MAPK8IP3: variants seen among roughly 807,000 people sequenced by gnomAD.
The protein encoded by MAPK8IP3 is C-Jun-amino-terminal kinase-interacting protein 3.
In MAPK8IP3, 49 loss-of-function variants were observed where a neutral mutation model predicts 157.8. The observed-to-expected ratio is 0.31, with a 90% confidence interval of 0.25 to 0.39. The LOEUF (loss-of-function observed/expected upper bound fraction) is 0.39, where lower values mean the gene tolerates loss of function less well. MAPK8IP3 is among the 10% of genes least tolerant of loss of function. The pLI, the probability that MAPK8IP3 is intolerant of heterozygous loss-of-function variation, is 1.00. For synonymous variants in MAPK8IP3, 897 were observed against 777.7 expected, an observed-to-expected ratio of 1.15 and a Z score of -2.55; for missense variants, 1,478 against 1,889.4, an observed-to-expected ratio of 0.78 and a Z score of 4.04.
At chr16:1,735,349 C>T (rs960095580) in intron 4 of MAPK8IP3, among the ~76,000 whole-genome samples, 8 of 150,620 alleles carry the variant, frequency 5.3e-5, no homozygotes, top group Non-Finnish European at 7.4e-5. Flanking sequence ...TCCATGTGAG[C>T]GTGTGAGCGT....
At chr16:1,713,696 G>T (rs1242123812) in intron 1 of MAPK8IP3, 1 of 152,222 alleles carries the variant, frequency 6.6e-6, no homozygotes, top group African/African-American at 2.4e-5. Flanking sequence ...AGGCCAAGAA[G>T]AGCCTGGTGG....
chr16:1,748,710 C>T lies in MAPK8IP3; in HGVS notation c.1206C>T (p.Ala402=), dbSNP rs1376778484. ...TCATCGGGGATGTGGACGAAGGGGC[C>T]GACCTCCTAGGTAAGCGCAAGCCTT... ...SEVIGDVDEG[A]DLLGEFSVRD... is the part of the protein sequence containing the mutation. The change falls in exon 8 of 32, where the codon GCC becomes GCT. Residue 402 remains alanine (A), a synonymous_variant. Coordinates refer to ENST00000610761, the MANE Select transcript of MAPK8IP3 (RefSeq NM_001318852.2). 16 of 1,613,684 alleles carry T rather than the reference C, an allele frequency of 9.9e-6. No homozygotes were observed. In the Admixed American group the frequency reaches 1.0e-4, roughly 10 times the overall value.
rs138078140 is a variant in MAPK8IP3 at position 1,743,302 on chromosome 16, C to T, written c.603-30C>T. The T allele has an allele frequency of 4.9e-4, 751 of 1,527,262 alleles. 1 individual carries two copies. Among genetic ancestry groups the T allele is most frequent in the East Asian group, 8.7e-4 (34 of 39,012 alleles). 94.6% of individuals were successfully genotyped at this position (1,527,262 alleles called of 1,614,324 possible). The stretch of plus-strand genomic sequence containing the variant: ...ATCTTCACGGCCACCCTCTAACCAT[C>T]GCTTCCTCTCCTCTCGCCCCCCATT... On this transcript the variant is annotated intron_variant, in intron 4 of 31. Transcript: ENST00000610761. This position sits in a 1 kb window ranked among gnomAD's most constrained non-coding sequence, Gnocchi z 5.6.
Position 1,762,479 on chromosome 16 carries a change from C to A in MAPK8IP3, c.1668C>A (p.Ile556=). Residue 556 remains isoleucine (I), a splice_region_variant and synonymous_variant, in exon 14 of 32, where the codon ATC becomes ATA. Transcript: ENST00000610761. Reference sequence around the variant, plus strand: ...AGGCTGTGCGGTGGACTGAGATGATCAGGTGGGAGTTGCGGCCACCCCAGG... The same window carrying A: ...AGGCTGTGCGGTGGACTGAGATGATAAGGTGGGAGTTGCGGCCACCCCAGG... The part of the protein sequence containing the change: ...LQEAVRWTEM[I]RASREHPSVQ... The A allele has an allele frequency of 1.2e-6, 2 of 1,611,626 alleles. No individual in the cohort carries two copies. The highest frequency in any genetic ancestry group is 2.2e-5 in the East Asian group (1 of 44,798).
chr16:1,727,807 C>T (rs1454030647), intron 2 of MAPK8IP3, among the ~76,000 whole-genome samples: 5 of 152,182 alleles, frequency 3.3e-5, no homozygotes, highest in South Asian at 2.1e-4. Context: ...TAGGCCGCCG[C>T]GGCCTCCAAG....
Position 1,743,243 on chromosome 16 carries a change from C to G in MAPK8IP3, c.603-89C>G. ...TGGCTGGCATGGAGCGGCCCCATCA[C>G]TCGAGGTCTGCTTGCCCTGGGAGGG... is the stretch of plus-strand genomic sequence containing the variant. On this transcript the variant is annotated intron_variant, in intron 4 of 31. Coordinates refer to ENST00000610761, the MANE Select transcript of MAPK8IP3 (RefSeq NM_001318852.2). This position sits in a 1 kb window ranked among gnomAD's most constrained non-coding sequence, Gnocchi z 5.6. 1 of 1,449,898 alleles carries G rather than the reference C, an allele frequency of 6.9e-7. No homozygotes were observed. Among genetic ancestry groups the G allele is most frequent in the Non-Finnish European group, 9.0e-7 (1 of 1,108,992 alleles). The allele number at this position is 1,449,898 out of a possible 1,614,324, so 89.8% of individuals were successfully genotyped here.
At chr16:1,720,345 T>C (rs981716969) in intron 1 of MAPK8IP3, among the ~76,000 whole-genome samples, 1 of 152,176 alleles carries the variant, frequency 6.6e-6, no homozygotes, top group South Asian at 2.1e-4. Flanking sequence ...CAGCTTTTTA[T>C]AGTAGCAAAC....
At chr16:1,738,616 G>T (rs2040286956) in intron 4 of MAPK8IP3, among the ~76,000 whole-genome samples, 1 of 139,468 alleles carries the variant, frequency 7.2e-6, no homozygotes, top group Non-Finnish European at 1.5e-5. Context: ...GACCGTCCGT[G>T]TGAGCATCGG....
intron 4 of MAPK8IP3, among the ~76,000 whole-genome samples, chr16:1,732,418 C>T (rs535525843): frequency 1.2e-4 from 18 of 152,362 alleles, no homozygotes; most frequent in African/African-American, 4.3e-4. Context: ...TCATGGGTCA[C>T]GTTCTGGATG....
intron 9 of MAPK8IP3, 38 bp downstream of exon 9, chr16:1,758,197 TGACGGGGGGAGTGGGTG>T (rs768097018): frequency 1.2e-6 from 2 of 1,611,490 alleles, no homozygotes; most frequent in East Asian, 4.5e-5. Context: ...CCCCTCTGTG[TGACGGGGGGAGTGGGTG>T]GACGGGGGAT....
At chr16:1,738,137 T>A (rs1596651428) in intron 4 of MAPK8IP3, among the ~76,000 whole-genome samples, 1 of 84,922 alleles carries the variant, frequency 1.2e-5, no homozygotes, top group Non-Finnish European at 2.2e-5. Context: ...ACTGTCCGTG[T>A]GTGTGACCAT....
chr16:1,728,055 G>T, intron 2 of MAPK8IP3, among the ~76,000 whole-genome samples: 1 of 152,242 alleles, frequency 6.6e-6, no homozygotes, highest in East Asian at 1.9e-4. Context: ...TTGGTGGGCT[G>T]CAGGACAGAG....
rs750658315 is a variant in MAPK8IP3, at chr16:1,765,999, T to C, written c.2486T>C (p.Leu829Pro). The C allele has an allele frequency of 7.1e-5, 115 of 1,612,746 alleles. 1 individual carries two copies. In the South Asian group the frequency reaches 1.2e-3, roughly 17 times the overall value. The change falls in exon 21 of 32, where the codon CTG becomes CCG. Residue 829 changes from leucine to proline, a missense_variant. Leu to Pro is a moderately conservative substitution (Grantham distance 98). This residue lies in a region of MAPK8IP3 where 669 missense variants were observed against 759.8 expected (regional missense o/e 0.88). Coordinates refer to ENST00000610761, the MANE Select transcript of MAPK8IP3 (RefSeq NM_001318852.2). ...GACTACCCTCCCGGGGAGATGTTCCTGGACAGCGACGTGAACCCAGAGGAC... is the reference window on the plus strand; with the variant it reads ...GACTACCCTCCCGGGGAGATGTTCCCGGACAGCGACGTGAACCCAGAGGAC... Reference protein sequence around the residue: ...DSDYPPGEMFLDSDVNPEDPG... With the variant: ...DSDYPPGEMFPDSDVNPEDPG...
intron 2 of MAPK8IP3, 63 bp from the exon 3 acceptor site, chr16:1,729,075 C>A: frequency 1.3e-6 from 2 of 1,510,012 alleles, no homozygotes; most frequent in Non-Finnish European, 1.8e-6. Flanking sequence ...GTGGTTACAA[C>A]CCAAGAGTTC....
intron 4 of MAPK8IP3, among the ~76,000 whole-genome samples, chr16:1,733,194 C>T (rs1460222200): frequency 6.6e-6 from 1 of 152,192 alleles, no homozygotes; most frequent in Non-Finnish European, 1.5e-5. Context: ...CTTGCCAGCG[C>T]AGCCTCAGAC....
intron 1 of MAPK8IP3, among the ~76,000 whole-genome samples, chr16:1,721,144 C>A (rs914521956): frequency 6.6e-6 from 1 of 151,284 alleles, no homozygotes; most frequent in Non-Finnish European, 1.5e-5. Flanking sequence ...TTGAGACCAG[C>A]GTGACCAACA....
chr16:1,738,008 G>A (rs1445439045), intron 4 of MAPK8IP3, among the ~76,000 whole-genome samples: 2 of 85,582 alleles, frequency 2.3e-5, no homozygotes, highest in Non-Finnish European at 2.3e-5. Flanking sequence ...GTGAGCATCT[G>A]TGTGACCGTC....
chr16:1,720,893 G>T (rs2038471574), intron 1 of MAPK8IP3, among the ~76,000 whole-genome samples: 1 of 152,138 alleles, frequency 6.6e-6, no homozygotes, highest in Non-Finnish European at 1.5e-5. Flanking sequence ...AATTAGCTGG[G>T]CGTGGTGGTG....
rs761221477 is a variant in MAPK8IP3, at chr16:1,706,672, G to T, written c.318+15G>T. On this transcript the variant is annotated intron_variant, in intron 1 of 31. Transcript: ENST00000610761. This position sits in a 1 kb window ranked among gnomAD's most constrained non-coding sequence, Gnocchi z 5.1. ...AGGCGGAGGAGGTGCGTGGGCCGCG[G>T]GACCCGCCCGCATCCCCGTCCCGGA... 10 of 1,522,216 alleles carry T rather than the reference G, an allele frequency of 6.6e-6. No homozygotes were observed. The highest frequency in any genetic ancestry group is 7.9e-6 in the Non-Finnish European group (9 of 1,135,200). The allele number at this position is 1,522,216 out of a possible 1,614,324, so 94.3% of individuals were successfully genotyped here.
Sources: gnomAD v4.1 joint callset for allele counts (sites outside exome capture counted in the v4.1 genomes callset) on GRCh38, gnomAD v4.1.1 for gene constraint, gnomAD v4.1.1 regional missense constraint, Gnocchi (gnomAD v3.1) non-coding constraint, MANE v1.5 for transcripts, NCBI Gene and HGNC (gene_info 2026-07-23, HGNC 2026-07-21) for gene names.